Variants in ATRNL1 observed in about 807,000 individuals in gnomAD.
ATRNL1 encodes attractin like 1, also known as attractin-like protein 1.
Under a neutral mutation model 182.7 loss-of-function variants are expected in ATRNL1, and 95 were observed. That is an observed-to-expected ratio of 0.52 (90% confidence interval 0.44 to 0.62). ATRNL1 has a LOEUF of 0.62. ATRNL1 is among the 20% of genes least tolerant of loss of function. The pLI is 0.00. For synonymous variants in ATRNL1, 576 were observed against 568.3 expected, an observed-to-expected ratio of 1.01 and a Z score of -0.19; for missense variants, 1,471 against 1,679.5, an observed-to-expected ratio of 0.88 and a Z score of 2.17.
chr10:115,253,958 C>A (rs1554906055), intron 10 of ATRNL1, among the ~76,000 whole-genome samples: 1 of 152,186 alleles, frequency 6.6e-6, no homozygotes, highest in Non-Finnish European at 1.5e-5. Flanking sequence ...CTGCAAAGGA[C>A]ATGAACTCAT....
intron 1 of ATRNL1, among the ~76,000 whole-genome samples, chr10:115,110,866 A>G (rs1445085384): frequency 6.6e-6 from 1 of 152,196 alleles, no homozygotes; most frequent in Non-Finnish European, 1.5e-5. Context: ...CACCTTGTGT[A>G]CCTGTCTTTG....
At chr10:115,942,488 A>T (rs1401472826) in intron 28 of ATRNL1, among the ~76,000 whole-genome samples, 1 of 152,178 alleles carries the variant, frequency 6.6e-6, no homozygotes, top group Non-Finnish European at 1.5e-5. Context: ...TGACTCCCGC[A>T]ACACTGCACT....
chr10:115,232,585 G>A (rs1850001441), intron 9 of ATRNL1, among the ~76,000 whole-genome samples: 1 of 151,972 alleles, frequency 6.6e-6, no homozygotes, highest in Admixed American at 6.6e-5. Flanking sequence ...GTATTTTATG[G>A]ATTTTGCTTT....
intron 26 of ATRNL1, among the ~76,000 whole-genome samples, chr10:115,569,930 G>T (rs1854294176): frequency 6.6e-6 from 1 of 152,100 alleles, no homozygotes; most frequent in African/African-American, 2.4e-5. Flanking sequence ...GGTGTCTGGC[G>T]AGGGGCTATT....
chr10:115,315,532 G>A lies in ATRNL1; in HGVS notation c.2833G>A (p.Gly945Arg), dbSNP rs1554929313. ...CTGTCACGCAGCTCAAAATTGTTCT[G>A]GATTGAGAACCTGTGGACAGTGTTT... Reference protein sequence around the residue: ...TATCSPQNCSGLRTCGQCLEQ... With the variant: ...TATCSPQNCSRLRTCGQCLEQ... Residue 945 changes from glycine to arginine, a missense_variant, in exon 18 of 29, where the codon GGA (glycine) becomes AGA (arginine). By Grantham distance (125) the Gly-to-Arg change is moderately radical (BLOSUM62 -2). Around this residue, in one of 3 missense-constraint regions of ATRNL1, gnomAD observed 1,031 missense variants for 1,156.0 expected, o/e 0.89. Coordinates refer to ENST00000355044, the MANE Select transcript of ATRNL1 (RefSeq NM_207303.4). 2 of 1,610,778 alleles carry A rather than the reference G, an allele frequency of 1.2e-6. No homozygotes were observed. Among genetic ancestry groups the A allele is most frequent in the Non-Finnish European group, 1.7e-6 (2 of 1,177,638 alleles).
chr10:115,408,062 G>A (rs1177077745), intron 20 of ATRNL1, among the ~76,000 whole-genome samples: 51 of 143,254 alleles, frequency 3.6e-4, no homozygotes, highest in African/African-American at 1.4e-3. Flanking sequence ...GGACTGCAGT[G>A]GCGCAATCTC....
chr10:115,115,638 CA>C (rs1257100726), intron 1 of ATRNL1, among the ~76,000 whole-genome samples: 1 of 152,166 alleles, frequency 6.6e-6, no homozygotes, highest in East Asian at 1.9e-4. Context: ...AAAAGGCTTA[CA>C]AAGGCCACCC....
intron 27 of ATRNL1, chr10:115,820,104 C>G (rs572666201): frequency 6.6e-6 from 1 of 152,186 alleles, no homozygotes; most frequent in South Asian, 2.1e-4. Context: ...TTATGTACAT[C>G]CTCTTTCAAA....
intron 27 of ATRNL1, among the ~76,000 whole-genome samples, chr10:115,737,007 T>C (rs1220721137): frequency 1.3e-5 from 2 of 152,134 alleles, no homozygotes; most frequent in Non-Finnish European, 2.9e-5. Flanking sequence ...AGGGCCACTC[T>C]GCTGTCATAT....
intron 19 of ATRNL1, among the ~76,000 whole-genome samples, chr10:115,352,919 A>G (rs1554941829): frequency 6.6e-6 from 1 of 152,166 alleles, no homozygotes; most frequent in African/African-American, 2.4e-5. Flanking sequence ...AAACAACAAC[A>G]ACAAAAACCA....
At chr10:115,355,940 A>G (rs1856485421) in intron 19 of ATRNL1, among the ~76,000 whole-genome samples, 1 of 151,986 alleles carries the variant, frequency 6.6e-6, no homozygotes, top group East Asian at 1.9e-4. Context: ...TGGGGAAAAA[A>G]GAGTTCTTTC....
chr10:115,898,363 T>C (rs1034231599), intron 28 of ATRNL1, among the ~76,000 whole-genome samples: 11 of 152,248 alleles, frequency 7.2e-5, no homozygotes, highest in African/African-American at 2.7e-4. Flanking sequence ...AAATCCAGTT[T>C]GCACCATGTG....
intron 26 of ATRNL1, among the ~76,000 whole-genome samples, chr10:115,655,170 T>C (rs975725318): frequency 1.3e-5 from 2 of 152,182 alleles, no homozygotes; most frequent in East Asian, 3.9e-4. Flanking sequence ...AGAGATGAGC[T>C]ACCTATCCAA....
At chr10:115,671,716 A>G (rs1206669617) in intron 26 of ATRNL1, among the ~76,000 whole-genome samples, 2 of 152,134 alleles carry the variant, frequency 1.3e-5, no homozygotes, top group Non-Finnish European at 2.9e-5. Context: ...GGCAGCCTCC[A>G]AAGGAAAGGG....
At chr10:115,342,723 T>C (rs1855807590) in intron 19 of ATRNL1, among the ~76,000 whole-genome samples, 1 of 152,242 alleles carries the variant, frequency 6.6e-6, no homozygotes, top group Non-Finnish European at 1.5e-5. Flanking sequence ...CTGATTAATG[T>C]CATTTTTTTT....
intron 5 of ATRNL1, among the ~76,000 whole-genome samples, chr10:115,157,756 G>T (rs1337531029): frequency 1.3e-5 from 2 of 152,022 alleles, no homozygotes; most frequent in African/African-American, 4.8e-5. Context: ...AGTTCCTTTT[G>T]CCATATAAGG....
rs551538759 is a variant in ATRNL1, at chr10:115,157,860, T to C, written c.830-2180T>C. On this transcript the variant is annotated intron_variant, in intron 5 of 28. Coordinates refer to ENST00000355044, the MANE Select transcript of ATRNL1 (RefSeq NM_207303.4). ...CTTGTTCTGCAGTATTTTGCTTTAATGCAGATTTGATAAATATATTGGTGA... is the reference window on the plus strand; with the variant it reads ...CTTGTTCTGCAGTATTTTGCTTTAACGCAGATTTGATAAATATATTGGTGA... Among the ~76,000 whole-genome samples the C allele has an allele frequency of 3.5e-4, 54 of 152,242 alleles. No homozygotes were observed. In the South Asian group the frequency reaches 5.6e-3, roughly 16 times the overall value.
chr10:115,285,991 C>T (rs1554918672), intron 14 of ATRNL1, among the ~76,000 whole-genome samples: 1 of 151,916 alleles, frequency 6.6e-6, no homozygotes, highest in Non-Finnish European at 1.5e-5. Flanking sequence ...TAACAGATGT[C>T]ATAGAGCCAT....
At chr10:115,768,184 C>T (rs1555075475) in intron 27 of ATRNL1, among the ~76,000 whole-genome samples, 1 of 152,090 alleles carries the variant, frequency 6.6e-6, no homozygotes, top group African/African-American at 2.4e-5. Flanking sequence ...CTCTTAACCT[C>T]ATGTTTCTTT....
Sources: allele counts gnomAD v4.1 joint callset (sites outside exome capture counted in the v4.1 genomes callset), GRCh38; gene constraint gnomAD v4.1.1; regional missense constraint gnomAD v4.1.1; transcripts MANE v1.5; gene names NCBI Gene and HGNC (gene_info 2026-07-23, HGNC 2026-07-21).